Variants in PACRG observed in about 807,000 individuals in gnomAD.
PACRG encodes the protein parkin coregulated gene protein.
In PACRG, 29 loss-of-function variants were observed where a neutral mutation model predicts 29.7. That is an observed-to-expected ratio of 0.98 (90% CI 0.73 to 1.33). PACRG has a LOEUF of 1.33. Ranked by LOEUF, PACRG falls within the 40% of genes most tolerant of loss-of-function variation. The pLI is 0.00. For missense variants in PACRG, 279 were observed against 316.2 expected (o/e 0.88, Z 0.89); for synonymous variants, 116 against 118.7 (o/e 0.98, Z 0.15).
At chr6:163,249,076 A>G (rs1782805718) in intron 4 of PACRG, among the ~76,000 whole-genome samples, 1 of 152,044 alleles carries the variant, frequency 6.6e-6, no homozygotes, top group Non-Finnish European at 1.5e-5. Flanking sequence ...TAATGAAACC[A>G]ATAGAAAGTC....
At chr6:163,272,565 C>A (rs1783872394) in intron 4 of PACRG, among the ~76,000 whole-genome samples, 3 of 152,038 alleles carry the variant, frequency 2.0e-5, no homozygotes, top group Admixed American at 6.6e-5. Context: ...TGACTGTTTT[C>A]TATAGTATAA....
At chr6:162,927,612 T>C (rs1797540692) in intron 2 of PACRG, among the ~76,000 whole-genome samples, 1 of 151,326 alleles carries the variant, frequency 6.6e-6, no homozygotes, top group South Asian at 2.1e-4. Flanking sequence ...TGAGAACACA[T>C]GGAAATGGGG....
At chr6:163,158,875 GCAAAA>G (rs1778432257) in intron 4 of PACRG, among the ~76,000 whole-genome samples, 1 of 151,922 alleles carries the variant, frequency 6.6e-6, no homozygotes, top group Non-Finnish European at 1.5e-5. Flanking sequence ...CAATGGAATT[GCAAAA>G]CCCATTTTGC....
intron 4 of PACRG, among the ~76,000 whole-genome samples, chr6:163,293,055 T>C (rs987991071): frequency 6.6e-6 from 1 of 152,202 alleles, no homozygotes; most frequent in Non-Finnish European, 1.5e-5. Context: ...CAGGGATTAT[T>C]TGAGTCACCA....
intron 2 of PACRG, among the ~76,000 whole-genome samples, chr6:162,824,487 TTTG>T (rs1788110336): frequency 2.0e-5 from 3 of 152,238 alleles, no homozygotes; most frequent in African/African-American, 7.2e-5. Context: ...TGCCTGCACA[TTTG>T]TTATTATACA....
chr6:162,834,087 A>G (rs1002326263), intron 2 of PACRG, among the ~76,000 whole-genome samples: 4 of 152,168 alleles, frequency 2.6e-5, no homozygotes, highest in African/African-American at 7.2e-5. Flanking sequence ...AATGAATTTC[A>G]TAAGAGATTT....
chr6:163,097,851 T>C (rs1814742225), intron 4 of PACRG, among the ~76,000 whole-genome samples: 1 of 152,156 alleles, frequency 6.6e-6, no homozygotes, highest in African/African-American at 2.4e-5. Context: ...AGAAAATAAG[T>C]TGGCAGATGT....
chr6:163,064,668 G>A (rs1811380825), intron 3 of PACRG, among the ~76,000 whole-genome samples: 1 of 152,174 alleles, frequency 6.6e-6, no homozygotes, highest in Admixed American at 6.5e-5. Flanking sequence ...GAAAATCTTT[G>A]AGGAGGAATT....
chr6:163,037,198 G>T (rs1401890602), intron 2 of PACRG, among the ~76,000 whole-genome samples: 1 of 152,178 alleles, frequency 6.6e-6, no homozygotes, highest in African/African-American at 2.4e-5. Context: ...GGCATCTGAA[G>T]CCCGTCCGAG....
intron 1 of PACRG, among the ~76,000 whole-genome samples, chr6:162,735,712 CA>C (rs1397660018): frequency 1.3e-5 from 2 of 152,092 alleles, no homozygotes; most frequent in African/African-American, 4.8e-5. Flanking sequence ...TTTCCATTCT[CA>C]ATAATGGCTT....
chr6:162,731,908 G>T (rs1181176072), intron 1 of PACRG, among the ~76,000 whole-genome samples: 1 of 152,122 alleles, frequency 6.6e-6, no homozygotes, highest in African/African-American at 2.4e-5. Flanking sequence ...GCAATCCCAG[G>T]AGGTTGGGCA....
At chr6:162,875,736 C>T (rs756254779) in intron 2 of PACRG, among the ~76,000 whole-genome samples, 1 of 152,172 alleles carries the variant, frequency 6.6e-6, no homozygotes, top group African/African-American at 2.4e-5. Flanking sequence ...CACATTACAA[C>T]ATTAAATGCA....
rs577667458 is a variant in PACRG, at chr6:162,925,642, G to A, written c.291+111361G>A. Among the ~76,000 whole-genome samples, 8 of 152,158 alleles carry A rather than the reference G, an allele frequency of 5.3e-5. No individual in the cohort carries two copies. In the South Asian group the frequency reaches 1.5e-3, roughly 28 times the overall value. On this transcript the variant is annotated intron_variant, in intron 2 of 4. Coordinates refer to ENST00000366888, the MANE Select transcript of PACRG (RefSeq NM_001080379.2). ...GTTAAAAACTCTCAATAAACTAGGT[G>A]TTGATAGAACGTATCTCAAAATAAT... is the stretch of plus-strand genomic sequence containing the variant.
chr6:162,832,215 T>C (rs922057397), intron 2 of PACRG, among the ~76,000 whole-genome samples: 1 of 152,226 alleles, frequency 6.6e-6, no homozygotes, highest in African/African-American at 2.4e-5. Context: ...TTGTGTGAGA[T>C]GATATCTCAT....
intron 1 of PACRG, among the ~76,000 whole-genome samples, chr6:162,757,748 G>A (rs1367367058): frequency 6.6e-6 from 1 of 151,812 alleles, no homozygotes; most frequent in East Asian, 1.9e-4. Context: ...ATAAAACATG[G>A]TTGCTACACA....
chr6:163,186,856 C>T (rs930270175), intron 4 of PACRG, among the ~76,000 whole-genome samples: 5 of 152,218 alleles, frequency 3.3e-5, no homozygotes, highest in Non-Finnish European at 7.3e-5. Context: ...GGTATTTAGT[C>T]GGCCTCCCGT....
At chr6:162,935,361 G>T (rs1798156920) in intron 2 of PACRG, among the ~76,000 whole-genome samples, 1 of 148,316 alleles carries the variant, frequency 6.7e-6, no homozygotes, top group African/African-American at 2.5e-5. Flanking sequence ...TGTCCCATGT[G>T]TCGGATAGGC....
intron 2 of PACRG, among the ~76,000 whole-genome samples, chr6:162,889,171 T>TAAG (rs1794581397): frequency 1.3e-5 from 2 of 152,316 alleles, no homozygotes; most frequent in Admixed American, 6.5e-5. Context: ...TTTGGGCTGT[T>TAAG]ATTCATCAAG....
intron 4 of PACRG, chr6:163,165,826 C>T: frequency 3.4e-6 from 1 of 294,784 alleles, no homozygotes; most frequent in Non-Finnish European, 6.7e-6. Flanking sequence ...GGCGAGGGGA[C>T]CAGGGAGGCC....
Sources: allele counts gnomAD v4.1 joint callset (sites outside exome capture counted in the v4.1 genomes callset), GRCh38; gene constraint gnomAD v4.1.1; transcripts MANE v1.5; gene names NCBI Gene and HGNC (gene_info 2026-07-23, HGNC 2026-07-21).